Variants in KBTBD2 observed in about 807,000 individuals in gnomAD.
The protein encoded by KBTBD2 is kelch repeat and BTB domain-containing protein 2.
In KBTBD2, 17 loss-of-function variants were observed where a neutral mutation model predicts 57.1. The ratio of observed to expected loss-of-function variants is 0.30; its 90% CI spans 0.20 to 0.45. The LOEUF is 0.45. KBTBD2 is among the 20% of genes least tolerant of loss of function. KBTBD2 has a pLI of 1.00. For synonymous variants in KBTBD2, 267 were observed against 262.7 expected (o/e 1.02, Z -0.16); for missense variants, 515 against 750.6 (o/e 0.69, Z 3.67).
At chr7:32,879,292 A>G (rs557650976) in intron 2 of KBTBD2, 143 bp downstream of exon 2, 6 of 590,160 alleles carry the variant, frequency 1.0e-5, no homozygotes, top group Non-Finnish European at 1.8e-5. Context: ...TCTCTTACAC[A>G]TGCAAGAATG....
chr7:32,872,153 CCATGCCACTGCATGGTGG>C (rs1318338346), intron 3 of KBTBD2, among the ~76,000 whole-genome samples: 6 of 152,034 alleles, frequency 3.9e-5, no homozygotes, highest in South Asian at 2.1e-4. Context: ...TGAGCTATCA[CCATGCCACTGCATGGTGG>C]CATGCCACTG....
rs759210848 is a variant in KBTBD2, at chr7:32,869,365, C to T, written c.1852G>A (p.Val618Ile). Residue 618 changes from valine to isoleucine, a missense_variant, in exon 4 of 4, where the codon GTT becomes ATT. Transcript: ENST00000304056. ...CCCCACTATACAGGTGGTAGTGCAA[C>T]CATTTCTCCATCCAGTTCAAACTCT... ...TEEFELDGEM[V>I]ALPPV 1.9e-6 allele frequency: 3 copies of T among 1,611,072 alleles called. No homozygotes were observed. Among genetic ancestry groups the T allele is most frequent in the African/African-American group, 2.7e-5 (2 of 74,852 alleles).
chr7:32,878,480 T>C (rs1478034743), intron 2 of KBTBD2, among the ~76,000 whole-genome samples: 3 of 151,516 alleles, frequency 2.0e-5, no homozygotes, highest in Non-Finnish European at 4.4e-5. Context: ...CTTGGGAGGC[T>C]GAGGCAGCAG....
chr7:32,879,876 G>T lies in KBTBD2; in HGVS notation c.-272C>A, dbSNP rs1260247067. On this transcript the variant is annotated 5_prime_UTR_variant, in exon 2 of 4. Transcript: ENST00000304056. ...ATCTGCAATTGTGCAGCTCATGAGT[G>T]AAAGAGAAAAATACACGAGGTAGAT... The T allele has an allele frequency of 3.0e-6, 1 of 332,194 alleles. No individual in the cohort carries two copies. Among genetic ancestry groups the T allele is most frequent in the Non-Finnish European group, 5.5e-6 (1 of 183,022 alleles). The allele number at this position is 332,194 out of a possible 1,614,324, so 20.6% of individuals were successfully genotyped here.
intron 1 of KBTBD2, among the ~76,000 whole-genome samples, chr7:32,887,572 G>A (rs1189703771): frequency 6.6e-6 from 1 of 152,224 alleles, no homozygotes; most frequent in African/African-American, 2.4e-5. Flanking sequence ...TCTCCCTCCA[G>A]GAGGGGCAGT....
intron 1 of KBTBD2, among the ~76,000 whole-genome samples, chr7:32,887,537 A>G (rs1784611073): frequency 1.3e-5 from 2 of 152,244 alleles, no homozygotes; most frequent in Admixed American, 6.5e-5. Flanking sequence ...AATAAATTAT[A>G]TAGTAGGAAT....
intron 1 of KBTBD2, among the ~76,000 whole-genome samples, chr7:32,881,333 A>G (rs1784440887): frequency 6.6e-6 from 1 of 152,182 alleles, no homozygotes; most frequent in East Asian, 1.9e-4. Flanking sequence ...AAGGAATTAC[A>G]AATCAGGAAA....
intron 2 of KBTBD2, among the ~76,000 whole-genome samples, chr7:32,876,179 T>C (rs2127951506): frequency 6.6e-6 from 1 of 152,100 alleles, no homozygotes; most frequent in South Asian, 2.1e-4. Flanking sequence ...TGCCCATATA[T>C]AGGTAAGAGA....
intron 2 of KBTBD2, among the ~76,000 whole-genome samples, chr7:32,877,654 G>A (rs1784346272): frequency 6.6e-6 from 1 of 152,180 alleles, no homozygotes; most frequent in Non-Finnish European, 1.5e-5. Flanking sequence ...ATTATATCCT[G>A]TGGATATGAA....
intron 1 of KBTBD2, among the ~76,000 whole-genome samples, chr7:32,888,055 G>C (rs1264452007): frequency 2.0e-5 from 3 of 152,132 alleles, no homozygotes; most frequent in African/African-American, 4.8e-5. Flanking sequence ...CCAATTTCAA[G>C]GTCTCAGCAC....
At chr7:32,873,926 CT>C (rs1157989978) in intron 3 of KBTBD2, among the ~76,000 whole-genome samples, 3 of 152,024 alleles carry the variant, frequency 2.0e-5, no homozygotes, top group African/African-American at 7.2e-5. Flanking sequence ...AGAAAAAAAC[CT>C]TTTACCTTCT....
chr7:32,878,224 T>C (rs1279564654), intron 2 of KBTBD2, among the ~76,000 whole-genome samples: 1 of 152,082 alleles, frequency 6.6e-6, no homozygotes, highest in Non-Finnish European at 1.5e-5. Flanking sequence ...GGTATCTTCA[T>C]ACAAAGTCAG....
intron 1 of KBTBD2, among the ~76,000 whole-genome samples, chr7:32,886,716 G>C (rs966458492): frequency 6.6e-6 from 1 of 152,050 alleles, no homozygotes; most frequent in African/African-American, 2.4e-5. Context: ...GTATTAAAAA[G>C]GTGTTTAACT....
chr7:32,878,889 T>G (rs973579717), intron 2 of KBTBD2, among the ~76,000 whole-genome samples: 1 of 152,204 alleles, frequency 6.6e-6, no homozygotes, highest in African/African-American at 2.4e-5. Flanking sequence ...ACTTCTGCAT[T>G]CAGAGGCATA....
intron 1 of KBTBD2, among the ~76,000 whole-genome samples, chr7:32,886,060 C>A (rs1214137128): frequency 3.3e-5 from 5 of 152,068 alleles, no homozygotes; most frequent in Admixed American, 3.3e-4. Flanking sequence ...AGGCACGCAC[C>A]ACCATGTCCG....
chr7:32,887,437 C>T (rs1206674741), intron 1 of KBTBD2, among the ~76,000 whole-genome samples: 1 of 152,158 alleles, frequency 6.6e-6, no homozygotes, highest in Non-Finnish European at 1.5e-5. Context: ...ATGTAAATAG[C>T]CTGATTTAAT....
In KBTBD2 at chr7:32,869,271, TTC is replaced by T; in HGVS notation, c.*72_*73del. The stretch of plus-strand genomic sequence containing the variant: ...ATTTTATGTACTCATATTTAGTTCT[TTC>T]ATAGCCTCTTTTGTTTAGCAAAGAA... On this transcript the variant is annotated 3_prime_UTR_variant, in exon 4 of 4. Coordinates refer to ENST00000304056, the MANE Select transcript of KBTBD2 (RefSeq NM_015483.3). 9.0e-7 allele frequency: 1 copy of T among 1,108,944 alleles called. No individual in the cohort carries two copies. The highest frequency in any genetic ancestry group is 1.5e-5 in the South Asian group (1 of 64,842). The allele number at this position is 1,108,944 out of a possible 1,614,324, so 68.7% of individuals were successfully genotyped here. A position where few individuals can be genotyped will look rare whatever the true frequency, so the allele number is the denominator to read the frequency against.
intron 1 of KBTBD2, among the ~76,000 whole-genome samples, chr7:32,884,959 T>C (rs1784531773): frequency 7.1e-6 from 1 of 141,528 alleles, no homozygotes; most frequent in Non-Finnish European, 1.5e-5. Context: ...TTTATATATA[T>C]ATGTGTGTAT....
At chr7:32,881,437 A>G (rs1784442701) in intron 1 of KBTBD2, among the ~76,000 whole-genome samples, 1 of 152,244 alleles carries the variant, frequency 6.6e-6, no homozygotes, top group African/African-American at 2.4e-5. Flanking sequence ...ATTAGTTACC[A>G]TAATGAGAAA....
Sources: gnomAD v4.1 joint callset for allele counts (sites outside exome capture counted in the v4.1 genomes callset) on GRCh38, gnomAD v4.1.1 for gene constraint, MANE v1.5 for transcripts, NCBI Gene and HGNC (gene_info 2026-07-23, HGNC 2026-07-21) for gene names.